The following UBE3A variants were observed in gnomAD, a reference collection of about 807,000 sequenced individuals.
UBE3A encodes ubiquitin protein ligase E3A.
Under a neutral mutation model 83.4 loss-of-function variants are expected in UBE3A, and 6 were observed. The ratio of observed to expected loss-of-function variants is 0.07; its 90% CI spans 0.04 to 0.14. UBE3A has a LOEUF of 0.14. UBE3A is among the 10% of genes least tolerant of loss of function. UBE3A has a pLI of 1.00. For missense variants in UBE3A, 456 were observed against 1,036.1 expected (o/e 0.44, Z 7.69); for synonymous variants, 337 against 355.4 (o/e 0.95, Z 0.58).
intron 4 of UBE3A, among the ~76,000 whole-genome samples, chr15:25,382,571 C>CA (rs959139383): frequency 6.8e-6 from 1 of 146,710 alleles, no homozygotes; most frequent in Non-Finnish European, 1.5e-5. Flanking sequence ...TCAAACTTAC[C>CA]AAAAAATAAA....
chr15:25,382,226 C>T, intron 4 of UBE3A, among the ~76,000 whole-genome samples: 1 of 151,630 alleles, frequency 6.6e-6, no homozygotes, highest in Non-Finnish European at 1.5e-5. Context: ...GAGGCTGATG[C>T]AGAAGAATGG....
At chr15:25,375,852 A>AGC in intron 4 of UBE3A, 89 bp from the exon 5 acceptor site, 6 of 1,470,174 alleles carry the variant, frequency 4.1e-6, no homozygotes, top group Non-Finnish European at 5.6e-6. Context: ...AAGTTAGTCA[A>AGC]GCACTGAAGT....
chr15:25,367,341 T>G (rs749313705), intron 6 of UBE3A, among the ~76,000 whole-genome samples: 2 of 151,458 alleles, frequency 1.3e-5, no homozygotes, highest in Non-Finnish European at 2.9e-5. Context: ...AATGTAAATT[T>G]GTAAATATGG....
intron 6 of UBE3A, among the ~76,000 whole-genome samples, chr15:25,368,974 A>G (rs1238572680): frequency 1.3e-5 from 2 of 152,160 alleles, no homozygotes; most frequent in Admixed American, 6.5e-5. Context: ...TGATGAAGAC[A>G]GCTGAAGGGA....
intron 6 of UBE3A, among the ~76,000 whole-genome samples, chr15:25,364,635 TTTTTTGTTTG>T (rs1158833309): frequency 9.1e-5 from 11 of 120,264 alleles, no homozygotes; most frequent in South Asian, 7.4e-4. Context: ...TTTTAGGGTT[TTTTTTGTTTG>T]TTTTTTTTTT....
chr15:25,404,014 G>A (rs1243662272), intron 4 of UBE3A, among the ~76,000 whole-genome samples: 2 of 152,070 alleles, frequency 1.3e-5, no homozygotes, highest in Non-Finnish European at 2.9e-5. Context: ...AGTTCTGATC[G>A]TGACTGTGCA....
At chr15:25,362,265 TTAAA>T (rs2078235326) in intron 6 of UBE3A, among the ~76,000 whole-genome samples, 1 of 152,192 alleles carries the variant, frequency 6.6e-6, no homozygotes, top group Non-Finnish European at 1.5e-5. Context: ...GTCTTTAGCT[TTAAA>T]TAATGTCTGT....
At chr15:25,407,355 G>C (rs577440656) in intron 3 of UBE3A, 10 of 818,268 alleles carry the variant, frequency 1.2e-5, no homozygotes, top group Non-Finnish European at 1.4e-5. Context: ...GAAAAAATGA[G>C]GACATGATGA....
intron 4 of UBE3A, among the ~76,000 whole-genome samples, chr15:25,389,166 G>C (rs1350576437): frequency 6.6e-6 from 1 of 152,048 alleles, no homozygotes; most frequent in Non-Finnish European, 1.5e-5. Context: ...CATAGTCAAA[G>C]GAGCAATGGC....
rs573041186 is a variant in UBE3A at position 25,404,318 on chromosome 15, A to G, written c.62+1143T>C. On this transcript the variant is annotated intron_variant, in intron 4 of 12. Coordinates refer to ENST00000648336, the MANE Select transcript of UBE3A (RefSeq NM_130839.5). ...ATCTTTACTTCCTTGTTCTAATTTC[A>G]TTAGATGGGCATCTTTCCTCTTATT... Among the ~76,000 whole-genome samples the G allele has an allele frequency of 2.0e-5, 3 of 152,266 alleles. No individual in the cohort carries two copies. In the South Asian group the frequency reaches 6.2e-4, roughly 32 times the overall value.
intron 4 of UBE3A, among the ~76,000 whole-genome samples, chr15:25,395,548 T>C (rs1362244808): frequency 6.6e-6 from 1 of 152,194 alleles, no homozygotes; most frequent in Non-Finnish European, 1.5e-5. Context: ...GGCTTCTGGC[T>C]GCACAGGAGG....
At chr15:25,435,409 A>C (rs1894777471) in intron 1 of UBE3A, among the ~76,000 whole-genome samples, 1 of 152,140 alleles carries the variant, frequency 6.6e-6, no homozygotes, top group Admixed American at 6.5e-5. Flanking sequence ...CCAATAACCA[A>C]TTCATGCCTG....
chr15:25,339,115 TTTTA>T lies in UBE3A; in HGVS notation c.*18_*21del. ...CTTTTTTTTTCCTTCCTTTTTTTTG[TTTTA>T]TTTTGTTTTGTTTTGTTTTACAGCA... On this transcript the variant is annotated 3_prime_UTR_variant, in exon 13 of 13. Coordinates refer to ENST00000648336, the MANE Select transcript of UBE3A (RefSeq NM_130839.5). 1.4e-6 allele frequency: 2 copies of T among 1,479,314 alleles called. No individual in the cohort carries two copies. The highest frequency in any genetic ancestry group is 2.5e-5 in the Admixed American group (1 of 40,056). 91.6% of individuals were successfully genotyped at this position (1,479,314 alleles called of 1,614,324 possible).
At chr15:25,380,051 T>C (rs1210827988) in intron 4 of UBE3A, among the ~76,000 whole-genome samples, 11 of 152,082 alleles carry the variant, frequency 7.2e-5, no homozygotes, top group Admixed American at 5.9e-4. Flanking sequence ...ATCTGAATCA[T>C]GGGGGCAGTT....
chr15:25,433,628 G>A (rs1894150846), intron 1 of UBE3A, among the ~76,000 whole-genome samples: 2 of 152,112 alleles, frequency 1.3e-5, no homozygotes, highest in African/African-American at 2.4e-5. Flanking sequence ...TGACCATTAC[G>A]AAGCTAGTTA....
chr15:25,367,242 A>AATATTTACATATTTGTAAATATGTAC (rs961276974), intron 6 of UBE3A, among the ~76,000 whole-genome samples: 2 of 77,942 alleles, frequency 2.6e-5, no homozygotes, highest in Admixed American at 1.1e-4. Flanking sequence ...TAAATATGTA[A>AATATTTACATATTTGTAAATATGTAC]ATATTTGCAT....
intron 11 of UBE3A, chr15:25,354,105 T>C: frequency 1.8e-6 from 1 of 557,092 alleles, no homozygotes. Context: ...TGAGGAATAC[T>C]AGATAATCCA....
chr15:25,349,730 T>G (rs2152615331), intron 11 of UBE3A, among the ~76,000 whole-genome samples: 1 of 152,362 alleles, frequency 6.6e-6, no homozygotes, highest in East Asian at 1.9e-4. Context: ...CAGCTTCTCT[T>G]TGGCATATAT....
intron 6 of UBE3A, among the ~76,000 whole-genome samples, chr15:25,369,290 C>T (rs1230105498): frequency 6.6e-6 from 1 of 151,030 alleles, no homozygotes; most frequent in African/African-American, 2.4e-5. Context: ...TGCTAGAAAA[C>T]CACCTGAGTT....
Sources: allele counts gnomAD v4.1 joint callset (sites outside exome capture counted in the v4.1 genomes callset), GRCh38; gene constraint gnomAD v4.1.1; transcripts MANE v1.5; gene names NCBI Gene and HGNC (gene_info 2026-07-23, HGNC 2026-07-21).